The following SHPRH variants were observed in gnomAD, a reference collection of about 807,000 sequenced individuals.
SHPRH encodes the protein SNF2 histone linker PHD RING helicase, also known as E3 ubiquitin-protein ligase SHPRH.
Under a neutral mutation model 202.5 loss-of-function variants are expected in SHPRH, and 106 were observed. The observed-to-expected ratio is 0.52, with a 90% CI of 0.45 to 0.62. SHPRH has a LOEUF of 0.62. Among genes scored for constraint, SHPRH ranks in the 20% least tolerant of loss-of-function variants. SHPRH has a pLI of 0.00. For synonymous variants in SHPRH, 729 were observed against 686.0 expected (o/e 1.06, Z -0.98); for missense variants, 1,710 against 2,020.0 (o/e 0.85, Z 2.94).
chr6:145,893,222 G>A lies in SHPRH; in HGVS notation c.4867C>T (p.Gln1623Ter). The A allele has an allele frequency of 6.5e-7, 1 of 1,547,686 alleles. No individual in the cohort carries two copies. Among genetic ancestry groups the A allele is most frequent in the Non-Finnish European group, 8.7e-7 (1 of 1,152,712 alleles). ...QAIGRVHRIG[Q>*]TKPTIVHRFL... ...TCTAATTTTAGTCCTTACTTTGTCT[G>A]TCCAATTCGGTGCACCCTCCCTATG... The change falls in exon 28 of 30, where the codon CAG (glutamine) becomes TAG (stop). Residue 1623 changes from glutamine to a stop codon, truncating the protein, a stop_gained. Coordinates refer to ENST00000275233, the MANE Select transcript of SHPRH (RefSeq NM_001042683.3). LOFTEE classifies it high-confidence loss of function.
intron 23 of SHPRH, among the ~76,000 whole-genome samples, chr6:145,914,382 C>A (rs1325868272): frequency 6.6e-6 from 1 of 152,102 alleles, no homozygotes; most frequent in African/African-American, 2.4e-5. Context: ...CACAACAGCT[C>A]TTCTTTTCCA....
chr6:145,935,468 A>G (rs2128768703), intron 11 of SHPRH, 27 bp from the exon 12 acceptor site: 1 of 1,609,378 alleles, frequency 6.2e-7, no homozygotes, highest in Non-Finnish European at 8.5e-7. Context: ...AAATACATTG[A>G]GGATAACTCT....
At chr6:145,861,053 T>C (rs1302739631), downstream of SHPRH, among the ~76,000 whole-genome samples, 1 of 152,112 alleles carries the variant, frequency 6.6e-6, no homozygotes, top group Non-Finnish European at 1.5e-5. Flanking sequence ...GGAAAAAGTT[T>C]GCAGACATTG....
At position 145,913,474 on chromosome 6, in the gene SHPRH, T is replaced by C. The variant is rs981682554; in HGVS notation, c.4326+4A>G. 1 of 1,606,106 alleles carries C rather than the reference T, an allele frequency of 6.2e-7. No individual in the cohort carries two copies. Among genetic ancestry groups the C allele is most frequent in the African/African-American group, 1.3e-5 (1 of 74,642 alleles). ...AATGCATGTGATGTTTATCATAATTTTACCTGTTTTCCTAGCTGTCGAGCA... is the reference window on the plus strand; with the variant it reads ...AATGCATGTGATGTTTATCATAATTCTACCTGTTTTCCTAGCTGTCGAGCA... On this transcript the variant is annotated splice_donor_region_variant and intron_variant, in intron 24 of 29. Coordinates refer to ENST00000275233, the MANE Select transcript of SHPRH (RefSeq NM_001042683.3).
intron 24 of SHPRH, among the ~76,000 whole-genome samples, chr6:145,911,819 T>C (rs1289026539): frequency 6.6e-6 from 1 of 152,096 alleles, no homozygotes; most frequent in East Asian, 1.9e-4. Context: ...AGCTTGGTTT[T>C]CAAACCACTA....
Position 145,954,869 on chromosome 6 carries a change from A to G in SHPRH, c.454T>C (p.Tyr152His). Reference sequence around the variant, plus strand: ...ACATCTTCACCTTTTGAATGAACATAAATCAGGAACTGATTGCTTGACTCT... The same window carrying G: ...ACATCTTCACCTTTTGAATGAACATGAATCAGGAACTGATTGCTTGACTCT... ...SSESSNQFLIYVHSKGEDVEK... is the reference protein window; with the variant it reads ...SSESSNQFLIHVHSKGEDVEK... The change falls in exon 2 of 30, where the codon TAT (tyrosine) becomes CAT (histidine). Residue 152 changes from tyrosine (Y) to histidine (H), a missense_variant. By Grantham distance (83) the Tyr-to-His change is moderately conservative (BLOSUM62 2). Around this residue, in one of 8 missense-constraint regions of SHPRH, gnomAD observed 459 missense variants for 426.5 expected, o/e 1.08. Coordinates refer to ENST00000275233, the MANE Select transcript of SHPRH (RefSeq NM_001042683.3). The G allele has an allele frequency of 6.2e-7, 1 of 1,613,718 alleles. No homozygotes were observed. Among genetic ancestry groups the G allele is most frequent in the Middle Eastern group, 1.7e-4 (1 of 6,060 alleles).
Position 145,935,293 on chromosome 6 carries a change from T to G in SHPRH, c.2718A>C (p.Lys906Asn). 1 of 1,614,102 alleles carries G rather than the reference T, an allele frequency of 6.2e-7. No individual in the cohort carries two copies. The highest frequency in any genetic ancestry group is 8.5e-7 in the Non-Finnish European group (1 of 1,180,006). ...TTGTACTGACTTGGTCAATCACATC[T>G]TTCTTTGCAGACCTCCACAGTATCT... The part of the protein sequence containing the change: ...IAKILWRSAK[K>N]DVIDQIQIPP... Residue 906 changes from lysine to asparagine, a missense_variant, in exon 12 of 30, where the codon AAA becomes AAC. Physicochemically the swap from Lys to Asn is moderately conservative, Grantham distance 94 (BLOSUM62 0). This residue lies in a region of SHPRH where 277 missense variants were observed against 363.0 expected (regional missense o/e 0.76). Transcript: ENST00000275233.
In SHPRH at chr6:145,947,624, T is replaced by C. The variant is rs1787530305; in HGVS notation, c.1081A>G (p.Asn361Asp). 6.2e-7 allele frequency: 1 copy of C among 1,612,552 alleles called. No homozygotes were observed. Among genetic ancestry groups the C allele is most frequent in the Non-Finnish European group, 8.5e-7 (1 of 1,179,104 alleles). Residue 361 changes from asparagine to aspartate, a missense_variant, in exon 6 of 30, where the codon AAT becomes GAT. Transcript: ENST00000275233. Reference protein sequence around the residue: ...YTGCIIREYPNSGPQLLGGIL... With the variant: ...YTGCIIREYPDSGPQLLGGIL... ...CCACCAAGCAACTGCGGCCCAGAAT[T>C]TGGGTACTCACGAATGATGCTGAGG...
chr6:145,935,459 A>T lies in SHPRH; in HGVS notation c.2570-18T>A, dbSNP rs750252231. 7 of 1,612,056 alleles carry T rather than the reference A, an allele frequency of 4.3e-6. No individual in the cohort carries two copies. The highest frequency in any genetic ancestry group is 5.9e-6 in the Non-Finnish European group (7 of 1,179,252). On this transcript the variant is annotated intron_variant, in intron 11 of 29. Transcript: ENST00000275233. ...AAAAAGATCTGAAAAGAAAAAATAA[A>T]ATACATTGAGGATAACTCTATTACT...
chr6:145,874,190 C>G (rs1780193676), intron 2 of SHPRH, among the ~76,000 whole-genome samples: 1 of 147,102 alleles, frequency 6.8e-6, no homozygotes, highest in Non-Finnish European at 1.5e-5. Flanking sequence ...AAGAGTGAAA[C>G]TCCATCTCAA....
At chr6:145,913,073 C>A (rs1783641081) in intron 24 of SHPRH, among the ~76,000 whole-genome samples, 1 of 152,052 alleles carries the variant, frequency 6.6e-6, no homozygotes, top group South Asian at 2.1e-4. Flanking sequence ...GACATTAATA[C>A]TGGCAAGTAA....
intron 14 of SHPRH, 84 bp downstream of exon 14, chr6:145,932,973 C>A: frequency 1.4e-6 from 2 of 1,469,852 alleles, no homozygotes; most frequent in South Asian, 1.3e-5. Context: ...ATCCCCCCCC[C>A]AAAAATCAAA....
intron 21 of SHPRH, 51 bp from the exon 22 acceptor site, chr6:145,919,542 G>A: frequency 6.3e-7 from 1 of 1,583,438 alleles, no homozygotes; most frequent in Non-Finnish European, 8.6e-7. Flanking sequence ...AATTAAAACT[G>A]GTTAAAACCA....
At chr6:145,940,014 T>C (rs1261359313) in intron 11 of SHPRH, among the ~76,000 whole-genome samples, 1 of 152,130 alleles carries the variant, frequency 6.6e-6, no homozygotes, top group Non-Finnish European at 1.5e-5. Flanking sequence ...GGGAAATACA[T>C]AAAACAAGAT....
chr6:145,919,164 G>A (rs1784208146), intron 22 of SHPRH, 184 bp downstream of exon 22: 3 of 702,754 alleles, frequency 4.3e-6, no homozygotes, highest in Non-Finnish European at 2.3e-6. Flanking sequence ...TAATAGATAT[G>A]AAATTGCTCA....
At chr6:145,862,236 C>T (rs1779602629), downstream of SHPRH, among the ~76,000 whole-genome samples, 1 of 150,826 alleles carries the variant, frequency 6.6e-6, no homozygotes, top group African/African-American at 2.4e-5. Context: ...CCGAGGCAGG[C>T]GGATCACGAG....
At chr6:145,961,489 G>A (rs1420035992) in intron 1 of SHPRH, among the ~76,000 whole-genome samples, 2 of 152,162 alleles carry the variant, frequency 1.3e-5, no homozygotes, top group African/African-American at 4.8e-5. Flanking sequence ...CCTAGCCAAT[G>A]GAATGTGAGA....
At chr6:145,915,883 T>G (rs1305089688) in intron 23 of SHPRH, among the ~76,000 whole-genome samples, 1 of 152,108 alleles carries the variant, frequency 6.6e-6, no homozygotes, top group African/African-American at 2.4e-5. Flanking sequence ...CATAATTTTA[T>G]GAGTTTTAGA....
Position 145,923,649 on chromosome 6 carries a change from G to A in SHPRH, c.3539C>T (p.Ser1180Leu), listed in dbSNP as rs780286402. The part of the protein sequence containing the change: ...YKQQTGKLSM[S>L]EKFRDCRGLQ... ...TTTCTTCCTGTTTTCTTACTTCTCT[G>A]ACATAGAAAGCTTGCCAGTTTGTTG... Residue 1180 changes from serine (S) to leucine (L), a missense_variant, in exon 18 of 30, where the codon TCA (serine) becomes TTA (leucine). Coordinates refer to ENST00000275233, the MANE Select transcript of SHPRH (RefSeq NM_001042683.3). The A allele has an allele frequency of 1.2e-6, 2 of 1,611,608 alleles. No homozygotes were observed. Among genetic ancestry groups the A allele is most frequent in the Non-Finnish European group, 1.7e-6 (2 of 1,178,470 alleles).
Sources: allele counts gnomAD v4.1 joint callset (sites outside exome capture counted in the v4.1 genomes callset), GRCh38; gene constraint gnomAD v4.1.1; regional missense constraint gnomAD v4.1.1; transcripts MANE v1.5; gene names NCBI Gene and HGNC (gene_info 2026-07-23, HGNC 2026-07-21).